IL12RB1: variants seen among roughly 807,000 people sequenced by gnomAD.
The protein encoded by IL12RB1 is interleukin 12 receptor subunit beta 1, also known as interleukin-12 receptor subunit beta-1.
IL12RB1 carries 64 observed loss-of-function variants against 94.4 expected under a neutral mutation model. The ratio of observed to expected loss-of-function variants is 0.68; its 90% CI spans 0.55 to 0.83. The LOEUF is 0.83. Ranked by LOEUF, IL12RB1 falls within the 40% of genes least tolerant of loss-of-function variation. The pLI is 0.00. For synonymous variants in IL12RB1, 362 were observed against 355.5 expected, an observed-to-expected ratio of 1.02 and a Z score of -0.21; for missense variants, 814 against 855.6, an observed-to-expected ratio of 0.95 and a Z score of 0.61.
At chr19:18,088,408 T>TATATATATATATATATATATATATATATA (rs1555788630), upstream of IL12RB1, among the ~76,000 whole-genome samples, 1 of 145,570 alleles carries the variant, frequency 6.9e-6, no homozygotes, top group African/African-American at 2.6e-5. Context: ...TATATATAAA[T>TATATATATATATATATATATATATATATA]TAAAAGTTAG....
chr19:18,084,408 A>G (rs2036176302), intron 1 of IL12RB1, among the ~76,000 whole-genome samples: 1 of 134,730 alleles, frequency 7.4e-6, no homozygotes, highest in South Asian at 2.1e-4. Context: ...GTATTAATCC[A>G]TCCATCCATC....
upstream of IL12RB1, among the ~76,000 whole-genome samples, chr19:18,088,653 C>G (rs2036493093): frequency 6.6e-6 from 1 of 151,914 alleles, no homozygotes; most frequent in South Asian, 2.1e-4. Context: ...TGTTTCCTGC[C>G]CCTCCCTCCC....
intron 7 of IL12RB1, among the ~76,000 whole-genome samples, chr19:18,074,393 C>T (rs191999314): frequency 3.3e-4 from 51 of 152,254 alleles, no homozygotes; most frequent in African/African-American, 1.2e-3. Flanking sequence ...ACCCTGCCAC[C>T]TGCAGGTGAC....
chr19:18,080,232 CT>C (rs1460432867), intron 4 of IL12RB1, among the ~76,000 whole-genome samples: 1 of 151,358 alleles, frequency 6.6e-6, no homozygotes, highest in East Asian at 2.0e-4. Flanking sequence ...ATTTTTTTGG[CT>C]TTTTTGTGTG....
chr19:18,071,367 A>G, intron 9 of IL12RB1: 1 of 1,021,190 alleles, frequency 9.8e-7, no homozygotes, highest in Non-Finnish European at 1.3e-6. Flanking sequence ...TAGATCTTAA[A>G]TAAACACAGG....
rs1193186585 is a variant in IL12RB1, at chr19:18,069,480, A to T, written c.1189+66T>A. The T allele has an allele frequency of 1.0e-5, 15 of 1,456,708 alleles. No individual in the cohort carries two copies. In the Admixed American group the frequency reaches 1.6e-4, roughly 16 times the overall value. 90.2% of individuals were successfully genotyped at this position (1,456,708 alleles called of 1,614,324 possible). On this transcript the variant is annotated intron_variant, in intron 10 of 16. Coordinates refer to ENST00000593993, the MANE Select transcript of IL12RB1 (RefSeq NM_005535.3). ...GCTGTGTGCCTTCCCTGCAGGTTTG[A>T]ACCCACCAGGACCTAAAAGGGAGGG...
chr19:18,084,904 A>G (rs1455870709), intron 1 of IL12RB1, among the ~76,000 whole-genome samples: 1 of 152,194 alleles, frequency 6.6e-6, no homozygotes, highest in Non-Finnish European at 1.5e-5. Flanking sequence ...CTGGGGTGGC[A>G]CCAGTGTCTG....
rs1026179397 is a variant in IL12RB1, at chr19:18,098,237, A to C, written c.-230+518T>G. Among the ~76,000 whole-genome samples the C allele has an allele frequency of 1.5e-4, 23 of 152,252 alleles. No individual in the cohort carries two copies. In the East Asian group the frequency reaches 1.9e-3, roughly 13 times the overall value. ...TAATACCTCCTTGGGTCGTCGCTGC[A>C]CCACTGTACACCCTCAGCTCAGCCC... is the stretch of plus-strand genomic sequence containing the variant. On this transcript the variant is annotated intron_variant, in intron 1 of 4. Coordinates refer to the IL12RB1 transcript ENST00000594176.
chr19:18,079,432 A>T (rs1354372152), intron 4 of IL12RB1, among the ~76,000 whole-genome samples: 2 of 151,980 alleles, frequency 1.3e-5, no homozygotes, highest in Non-Finnish European at 2.9e-5. Context: ...GCAAATTTTC[A>T]ATATACATTA....
At position 18,094,229 on chromosome 19, in the gene IL12RB1, A is replaced by G. The variant is rs1391098873; in HGVS notation, c.-229-3460T>C. The stretch of plus-strand genomic sequence containing the variant: ...CTGCAACCTCTGCCTCCCAGGTTCA[A>G]GTGATTCTCCTGCCTCAGCCCCCCG... On this transcript the variant is annotated intron_variant, in intron 1 of 4. Coordinates refer to the IL12RB1 transcript ENST00000594176. 2.0e-5 allele frequency among the ~76,000 whole-genome samples: 3 copies of G among 152,276 alleles called. No homozygotes were observed. In the East Asian group the frequency reaches 5.8e-4, roughly 29 times the overall value.
chr19:18,068,169 G>T (rs2034732215), intron 11 of IL12RB1, among the ~76,000 whole-genome samples: 1 of 151,408 alleles, frequency 6.6e-6, no homozygotes, highest in East Asian at 1.9e-4. Context: ...GGAATTACAG[G>T]CACCCGCCAC....
chr19:18,074,912 C>T (rs1169606100), intron 7 of IL12RB1, among the ~76,000 whole-genome samples: 7 of 150,940 alleles, frequency 4.6e-5, no homozygotes, highest in Non-Finnish European at 1.0e-4. Context: ...ATTAACCGGG[C>T]GTGGTTGCAG....
intron 11 of IL12RB1, among the ~76,000 whole-genome samples, chr19:18,067,221 G>A (rs1266195957): frequency 1.3e-5 from 2 of 150,922 alleles, no homozygotes; most frequent in African/African-American, 4.9e-5. Flanking sequence ...CTACTCGGCA[G>A]GCTGAGGCAC....
chr19:18,062,043 T>G, intron 14 of IL12RB1, 138 bp downstream of exon 14: 2 of 632,384 alleles, frequency 3.2e-6, no homozygotes, highest in South Asian at 3.4e-5. Flanking sequence ...TAAAGCTGTT[T>G]TCTTCTACCT....
chr19:18,083,087 A>T, intron 2 of IL12RB1: 1 of 412,566 alleles, frequency 2.4e-6, no homozygotes, highest in Non-Finnish European at 4.6e-6. Context: ...CGTCTCAAAA[A>T]TAAATAAATG....
rs765825621 is a variant in IL12RB1, at chr19:18,086,758, A to G, written c.64+2T>C. 1.2e-6 allele frequency: 2 copies of G among 1,608,804 alleles called. No individual in the cohort carries two copies. Among genetic ancestry groups the G allele is most frequent in the East Asian group, 2.2e-5 (1 of 44,696 alleles). On this transcript the variant is annotated splice_donor_variant, in intron 1 of 16. Transcript: ENST00000593993. LOFTEE classifies it high-confidence loss of function. Reference sequence around the variant, plus strand: ...CCGCCATGCCAGGGTCAGGGGACTCACCGCCCTGCCTGGACAGCAGGAAGA... The same window carrying G: ...CCGCCATGCCAGGGTCAGGGGACTCGCCGCCCTGCCTGGACAGCAGGAAGA...
At chr19:18,081,145 G>T (rs192414339) in intron 3 of IL12RB1, 144 bp from the exon 4 acceptor site, 1 of 740,890 alleles carries the variant, frequency 1.3e-6, no homozygotes, top group African/African-American at 1.8e-5. Flanking sequence ...ACCCAGGCTG[G>T]AGTGCAGTCG....
chr19:18,062,329 A>C, intron 13 of IL12RB1, 52 bp from the exon 14 acceptor site: 1 of 1,161,952 alleles, frequency 8.6e-7, no homozygotes, highest in Non-Finnish European at 1.3e-6. Flanking sequence ...CCTCTTCCTC[A>C]GGGAAGGAGC....
rs1485741971 is a variant in IL12RB1, at chr19:18,062,206, C to T, written c.1690G>A (p.Val564Ile). The T allele has an allele frequency of 1.9e-6, 3 of 1,612,782 alleles. No homozygotes were observed. The highest frequency in any genetic ancestry group is 2.2e-5 in the East Asian group (1 of 44,864). ...GSFLSILLVG[V>I]LGYLGLNRAA... ...CTGTTCAGGCCAAGGTAGCCAAGGA[C>T]GCCCACGAGAAGGATGCTCAGGAAG... The change falls in exon 14 of 17, where the codon GTC (valine) becomes ATC (isoleucine). Residue 564 changes from valine to isoleucine, a missense_variant. By Grantham distance (29) the Val-to-Ile change is conservative (BLOSUM62 3). Transcript: ENST00000593993.
Sources: allele counts gnomAD v4.1 joint callset (sites outside exome capture counted in the v4.1 genomes callset), GRCh38; gene constraint gnomAD v4.1.1; transcripts MANE v1.5; gene names NCBI Gene and HGNC (gene_info 2026-07-23, HGNC 2026-07-21).